ANKRD44: variants seen among roughly 807,000 people sequenced by gnomAD.
The protein encoded by ANKRD44 is serine/threonine-protein phosphatase 6 regulatory ankyrin repeat subunit B.
A neutral mutation model predicts 116.0 loss-of-function variants in ANKRD44; 35 were observed. The observed-to-expected ratio is 0.30, with a 90% CI of 0.23 to 0.40. The LOEUF (loss-of-function observed/expected upper bound fraction) is 0.40. Ranked by LOEUF, ANKRD44 falls within the 10% of genes least tolerant of loss-of-function variation. ANKRD44 has a pLI of 1.00. For synonymous variants in ANKRD44, 435 were observed against 461.8 expected (o/e 0.94, Z 0.74); for missense variants, 1,014 against 1,242.6 (o/e 0.82, Z 2.77).
intron 21 of ANKRD44, among the ~76,000 whole-genome samples, chr2:196,979,473 C>A (rs1268196230): frequency 1.3e-5 from 2 of 148,678 alleles, no homozygotes; most frequent in Non-Finnish European, 3.0e-5. Context: ...GTGCTTGGCA[C>A]ATTGTAAGCA....
At chr2:196,971,084 A>G (rs960825093) in intron 21 of ANKRD44, among the ~76,000 whole-genome samples, 13 of 152,268 alleles carry the variant, frequency 8.5e-5, no homozygotes, top group African/African-American at 3.1e-4. Context: ...TTGCATATAA[A>G]CCAATTTTAA....
At chr2:197,109,252 G>A (rs543426634) in intron 9 of ANKRD44, among the ~76,000 whole-genome samples, 1 of 152,206 alleles carries the variant, frequency 6.6e-6, no homozygotes, top group Non-Finnish European at 1.5e-5. Context: ...CATAAGAGAC[G>A]TGCTCGAAAG....
chr2:197,025,648 T>C (rs1414815364), intron 16 of ANKRD44, among the ~76,000 whole-genome samples: 1 of 152,124 alleles, frequency 6.6e-6, no homozygotes, highest in African/African-American at 2.4e-5. Context: ...GATAAATAAA[T>C]ATAAAAATAA....
At chr2:197,229,494 A>G (rs1050280036) in intron 1 of ANKRD44, among the ~76,000 whole-genome samples, 1 of 152,236 alleles carries the variant, frequency 6.6e-6, no homozygotes, top group Admixed American at 6.5e-5. Context: ...AGCACAGGGG[A>G]AGATAGAAGA....
rs149107038 is a variant in ANKRD44, at chr2:197,186,612, C to CTTTTTTTTTTTTTTTTTTTTT, written c.111+390_111+410dup. Among the ~76,000 whole-genome samples the CTTTTTTTTTTTTTTTTTTTTT allele has an allele frequency of 2.4e-4, 12 of 50,808 alleles. 2 individuals are homozygous for CTTTTTTTTTTTTTTTTTTTTT. The highest frequency in any genetic ancestry group is 3.7e-4 in the Admixed American group (1 of 2,672). 33.3% of individuals were successfully genotyped at this position (50,808 alleles called of 152,430 possible). On this transcript the variant is annotated intron_variant, in intron 2 of 27. Coordinates refer to ENST00000282272, the MANE Select transcript of ANKRD44 (RefSeq NM_001195144.2). ...CCATCACTATGCCCGGCTAATTTTT[C>CTTTTTTTTTTTTTTTTTTTTT]TTTTTTTTTTTTTTTTTTTTTTTTT...
intron 16 of ANKRD44, among the ~76,000 whole-genome samples, chr2:197,064,901 G>A (rs1159378727): frequency 1.3e-5 from 2 of 152,164 alleles, no homozygotes; most frequent in Non-Finnish European, 2.9e-5. Context: ...CAACGAGACA[G>A]AAAGTTAAAA....
At chr2:197,065,131 G>A (rs1323705900) in intron 16 of ANKRD44, among the ~76,000 whole-genome samples, 1 of 152,060 alleles carries the variant, frequency 6.6e-6, no homozygotes, top group Non-Finnish European at 1.5e-5. Context: ...ATCAAACTAG[G>A]ACTCAGGATT....
At chr2:197,279,467 T>C (rs570331282) in intron 1 of ANKRD44, among the ~76,000 whole-genome samples, 5 of 151,926 alleles carry the variant, frequency 3.3e-5, no homozygotes, top group Non-Finnish European at 7.4e-5. Flanking sequence ...AACCCCAAAC[T>C]CCTTAGCGGG....
intron 18 of ANKRD44, among the ~76,000 whole-genome samples, chr2:197,011,475 A>ATT (rs1216186319): frequency 2.5e-4 from 36 of 141,222 alleles, no homozygotes; most frequent in African/African-American, 5.8e-4. Flanking sequence ...GCCCTCAGGT[A>ATT]TTTTTTTTTT....
Position 197,187,115 on chromosome 2 carries a change from A to C in ANKRD44, c.28-9T>G. ...GCCTGAACCAATGGTGGCTGCAAAC[A>C]CAAGAGAATGGGAATCAGAACTAAA... On this transcript the variant is annotated splice_polypyrimidine_tract_variant and intron_variant, in intron 1 of 27. Coordinates refer to ENST00000282272, the MANE Select transcript of ANKRD44 (RefSeq NM_001195144.2). 1 of 1,613,888 alleles carries C rather than the reference A, an allele frequency of 6.2e-7. No homozygotes were observed. Among genetic ancestry groups the C allele is most frequent in the Non-Finnish European group, 8.5e-7 (1 of 1,179,802 alleles).
chr2:197,210,019 G>A (rs933860994), intron 1 of ANKRD44, among the ~76,000 whole-genome samples: 23 of 152,138 alleles, frequency 1.5e-4, no homozygotes, highest in South Asian at 2.1e-4. Context: ...CCTAAGAGAC[G>A]TCTTACAGAA....
chr2:197,257,902 C>G (rs867942187), intron 1 of ANKRD44, among the ~76,000 whole-genome samples: 7 of 152,114 alleles, frequency 4.6e-5, no homozygotes, highest in East Asian at 3.8e-4. Flanking sequence ...TTGCCTCCCC[C>G]CTTTATCCCT....
In ANKRD44 at chr2:197,062,032, C is replaced by T. The variant is rs761499240; in HGVS notation, c.1650+16671G>A. Among the ~76,000 whole-genome samples the T allele has an allele frequency of 7.8e-4, 119 of 152,290 alleles. 1 individual carries two copies. The highest frequency in any genetic ancestry group is 3.4e-3 in the Middle Eastern group (1 of 294). On this transcript the variant is annotated intron_variant, in intron 16 of 27. Transcript: ENST00000282272. ...CTGACCTCGGGTGATCCACCCGCCT[C>T]GGCCTCCCAAAGTGCTTGGATTATA...
chr2:197,260,838 G>C (rs576014804), intron 1 of ANKRD44, among the ~76,000 whole-genome samples: 37 of 101,170 alleles, frequency 3.7e-4, no homozygotes, highest in African/African-American at 1.4e-3. Flanking sequence ...GGCCAGTGAT[G>C]ATGAGCATTT....
chr2:197,284,107 G>T (rs1371419763), intron 1 of ANKRD44, among the ~76,000 whole-genome samples: 3 of 152,234 alleles, frequency 2.0e-5, no homozygotes, highest in East Asian at 3.9e-4. Flanking sequence ...TATTTATGAG[G>T]CATATTGCAT....
At chr2:197,043,687 G>A (rs2076951507) in intron 16 of ANKRD44, among the ~76,000 whole-genome samples, 1 of 152,126 alleles carries the variant, frequency 6.6e-6, no homozygotes, top group Non-Finnish European at 1.5e-5. Context: ...AGGTAGTGAT[G>A]CTATTAGCTT....
intron 4 of ANKRD44, chr2:197,135,212 C>G (rs1442656182): frequency 6.6e-6 from 1 of 152,196 alleles, no homozygotes; most frequent in African/African-American, 2.4e-5. Context: ...CGGCCAAAGA[C>G]ACCTGCAACT....
intron 1 of ANKRD44, among the ~76,000 whole-genome samples, chr2:197,219,174 A>T (rs2081526518): frequency 6.7e-6 from 1 of 149,070 alleles, no homozygotes; most frequent in African/African-American, 2.5e-5. Flanking sequence ...GGTTCAAGCG[A>T]TTCTTCTGCC....
intron 3 of ANKRD44, 109 bp downstream of exon 3, chr2:197,146,918 A>G (rs1265156122): frequency 3.5e-6 from 3 of 853,256 alleles, no homozygotes; most frequent in African/African-American, 3.4e-5. Flanking sequence ...ATAAACTTCC[A>G]TGAACATAAC....
Sources: gnomAD v4.1 joint callset for allele counts (sites outside exome capture counted in the v4.1 genomes callset) on GRCh38, gnomAD v4.1.1 for gene constraint, MANE v1.5 for transcripts, NCBI Gene and HGNC (gene_info 2026-07-23, HGNC 2026-07-21) for gene names.